HSPA12A: variants seen among roughly 807,000 people sequenced by gnomAD.
HSPA12A encodes the protein heat shock 70 kDa protein 12A.
HSPA12A carries 28 observed loss-of-function variants against 69.2 expected under a neutral mutation model. That is an observed-to-expected ratio of 0.40 (90% CI 0.30 to 0.55). The LOEUF is 0.55. HSPA12A is among the 20% of genes least tolerant of loss of function. The pLI, the probability that HSPA12A is intolerant of heterozygous loss-of-function variation, is 0.38. For missense variants in HSPA12A, 686 were observed against 900.7 expected, an observed-to-expected ratio of 0.76 and a Z score of 3.05; for synonymous variants, 345 against 370.5, an observed-to-expected ratio of 0.93 and a Z score of 0.79.
chr10:116,792,802 GAAAAGAAAGA>G (rs1402941422), intron 2 of HSPA12A, among the ~76,000 whole-genome samples: 9 of 140,756 alleles, frequency 6.4e-5, no homozygotes, highest in East Asian at 4.1e-4. Context: ...AAAAAGAAAA[GAAAAGAAAGA>G]AAAAGAAAGA....
At chr10:116,693,182 A>T (rs1849785839) in intron 5 of HSPA12A, among the ~76,000 whole-genome samples, 1 of 152,150 alleles carries the variant, frequency 6.6e-6, no homozygotes, top group South Asian at 2.1e-4. Context: ...TACCTTATGC[A>T]AGGCCAGCAT....
intron 2 of HSPA12A, among the ~76,000 whole-genome samples, chr10:116,784,549 GGAATGAAT>G (rs367679769): frequency 2.0e-5 from 3 of 152,170 alleles, no homozygotes; most frequent in Non-Finnish European, 4.4e-5. Context: ...GTTTGTTGAG[GGAATGAAT>G]GAATGAATGA....
intron 10 of HSPA12A, among the ~76,000 whole-genome samples, chr10:116,677,466 G>C (rs1251052550): frequency 6.6e-6 from 1 of 152,230 alleles, no homozygotes; most frequent in Non-Finnish European, 1.5e-5. Flanking sequence ...ATGGCTGGCT[G>C]CAGCCTGTTT....
At chr10:116,790,505 C>T (rs1466843724) in intron 2 of HSPA12A, among the ~76,000 whole-genome samples, 4 of 152,070 alleles carry the variant, frequency 2.6e-5, no homozygotes, top group Non-Finnish European at 5.9e-5. Context: ...CCCCGAACAT[C>T]CAGCCCCAGG....
At chr10:116,761,815 C>T (rs927260366) in intron 2 of HSPA12A, among the ~76,000 whole-genome samples, 1 of 151,452 alleles carries the variant, frequency 6.6e-6, no homozygotes, top group Non-Finnish European at 1.5e-5. Context: ...AGGTGGCTAT[C>T]AGGAATATGA....
At chr10:116,692,504 G>T (rs370744208) in intron 5 of HSPA12A, 37 bp from the exon 6 acceptor site, 21 of 1,531,446 alleles carry the variant, frequency 1.4e-5, no homozygotes, top group Non-Finnish European at 1.9e-5. Context: ...AGGTCAAGTG[G>T]CAGCTGGTTC....
chr10:116,827,882 C>T (rs1009509926), intron 2 of HSPA12A, among the ~76,000 whole-genome samples: 2 of 152,142 alleles, frequency 1.3e-5, no homozygotes, highest in African/African-American at 2.4e-5. Context: ...AGCCAAGTTG[C>T]GAGCTGCTGT....
intron 2 of HSPA12A, among the ~76,000 whole-genome samples, chr10:116,772,211 G>A (rs1458368431): frequency 6.6e-6 from 1 of 152,164 alleles, no homozygotes; most frequent in Admixed American, 6.5e-5. Flanking sequence ...TGGGTTCAGG[G>A]ATCATCAGTG....
chr10:116,835,900 G>A (rs1308397115), intron 1 of HSPA12A, among the ~76,000 whole-genome samples: 4 of 152,160 alleles, frequency 2.6e-5, no homozygotes, highest in Non-Finnish European at 2.9e-5. Context: ...GAGTAGTCAC[G>A]AGAGAGGAGC....
chr10:116,680,705 C>G lies in HSPA12A; in HGVS notation c.1027+447G>C, dbSNP rs576316855. 5.9e-5 allele frequency among the ~76,000 whole-genome samples: 9 copies of G among 152,302 alleles called. No individual in the cohort carries two copies. In the East Asian group the frequency reaches 1.4e-3, roughly 23 times the overall value. On this transcript the variant is annotated intron_variant, in intron 9 of 11. Transcript: ENST00000369209. ...TTCATCATGTTGGCCATGCTGGTCT[C>G]CAACTCCTGACCTCAAGTGATCTGC...
At chr10:116,722,822 G>C (rs1554884536) in intron 1 of HSPA12A, among the ~76,000 whole-genome samples, 1 of 152,118 alleles carries the variant, frequency 6.6e-6, no homozygotes, top group African/African-American at 2.4e-5. Context: ...TTTGCACATG[G>C]ACTCTTCATG....
In HSPA12A at chr10:116,691,780, G is replaced by A. The variant is rs1039250583; in HGVS notation, c.663+571C>T. Among the ~76,000 whole-genome samples the A allele has an allele frequency of 3.3e-5, 5 of 152,360 alleles. No homozygotes were observed. The East Asian group carries it at 9.7e-4, about 29-fold the overall frequency. On this transcript the variant is annotated intron_variant, in intron 6 of 11. Transcript: ENST00000369209. ...CCTGGCCAACAAGCGCCTGTGCCTG[G>A]TATGCCCCTTGGCCATGCCACTGCC...
intron 2 of HSPA12A, among the ~76,000 whole-genome samples, chr10:116,822,821 C>A (rs1476405464): frequency 6.6e-6 from 1 of 152,188 alleles, no homozygotes; most frequent in Non-Finnish European, 1.5e-5. Flanking sequence ...ATCCAAATCA[C>A]TCTCACTCCT....
rs548750335 is a variant in HSPA12A, at chr10:116,735,400, C to T, written c.40+7030G>A. Reference sequence around the variant, plus strand: ...CTGTGACCACCAGGAATACAGCAGACGTGATTTTATTGGACTTCCCAGGAA... The same window carrying T: ...CTGTGACCACCAGGAATACAGCAGATGTGATTTTATTGGACTTCCCAGGAA... On this transcript the variant is annotated intron_variant, in intron 1 of 11. Transcript: ENST00000369209. 9.1e-4 allele frequency among the ~76,000 whole-genome samples: 139 copies of T among 152,324 alleles called. 1 individual carries two copies. The highest frequency in any genetic ancestry group is 3.3e-3 in the African/African-American group (137 of 41,578).
In HSPA12A at chr10:116,676,451, A is replaced by G; in HGVS notation, c.1338T>C (p.Asp446=). Residue 446 remains aspartate, a synonymous_variant, in exon 11 of 12, where the codon GAT becomes GAC. Coordinates refer to ENST00000369209, the MANE Select transcript of HSPA12A (RefSeq NM_025015.3). ...SSQGMLRMSP[D]AMNALFKPTI... is the part of the protein sequence containing the mutation. ...TCGGCTTAAAAAGGGCGTTCATGGCATCTGGACTCATCCGCAGCATCCCCT... is the reference window on the plus strand; with the variant it reads ...TCGGCTTAAAAAGGGCGTTCATGGCGTCTGGACTCATCCGCAGCATCCCCT... The G allele has an allele frequency of 6.2e-7, 1 of 1,614,070 alleles. No homozygotes were observed. The highest frequency in any genetic ancestry group is 1.1e-5 in the South Asian group (1 of 91,084).
chr10:116,820,562 T>C (rs1845393704), intron 2 of HSPA12A, among the ~76,000 whole-genome samples: 1 of 152,042 alleles, frequency 6.6e-6, no homozygotes, highest in African/African-American at 2.4e-5. Flanking sequence ...GGACACCACA[T>C]CCTCCTGCTT....
chr10:116,678,819 G>A (rs142503192), intron 10 of HSPA12A, among the ~76,000 whole-genome samples: 1 of 151,886 alleles, frequency 6.6e-6, no homozygotes, highest in African/African-American at 2.4e-5. Flanking sequence ...TGGACAATGG[G>A]GTATTTTACA....
At chr10:116,802,673 G>A (rs1393201044) in intron 2 of HSPA12A, among the ~76,000 whole-genome samples, 2 of 152,226 alleles carry the variant, frequency 1.3e-5, no homozygotes, top group African/African-American at 4.8e-5. Flanking sequence ...GAAAGTCACC[G>A]GGGCCACAGG....
chr10:116,786,051 T>G (rs1274809849), intron 2 of HSPA12A, among the ~76,000 whole-genome samples: 1 of 152,152 alleles, frequency 6.6e-6, no homozygotes, highest in African/African-American at 2.4e-5. Flanking sequence ...ACTGGGAATC[T>G]TTGTAGCTTC....
Sources: gnomAD v4.1 joint callset for allele counts (sites outside exome capture counted in the v4.1 genomes callset) on GRCh38, gnomAD v4.1.1 for gene constraint, MANE v1.5 for transcripts, NCBI Gene and HGNC (gene_info 2026-07-23, HGNC 2026-07-21) for gene names.